CACNA2D1: variants seen among roughly 807,000 people sequenced by gnomAD.
CACNA2D1 encodes the protein voltage-dependent calcium channel subunit alpha-2/delta-1.
A neutral mutation model predicts 171.5 loss-of-function variants in CACNA2D1; 53 were observed. The observed-to-expected ratio is 0.31, with a 90% CI of 0.25 to 0.39. CACNA2D1 has a LOEUF of 0.39. Among genes scored for constraint, CACNA2D1 ranks in the 10% least tolerant of loss-of-function variants. CACNA2D1 has a pLI of 1.00. For missense variants in CACNA2D1, 903 were observed against 1,299.8 expected (o/e 0.69, Z 4.69); for synonymous variants, 442 against 443.1 (o/e 1.00, Z 0.03).
intron 1 of CACNA2D1, among the ~76,000 whole-genome samples, chr7:82,442,252 T>C (rs937035631): frequency 4.6e-5 from 7 of 152,166 alleles, no homozygotes; most frequent in Non-Finnish European, 8.8e-5. Context: ...AAAACTCCTG[T>C]ATTCAGCACT....
chr7:82,159,642 AG>A (rs1794732271), intron 4 of CACNA2D1, among the ~76,000 whole-genome samples: 1 of 151,596 alleles, frequency 6.6e-6, no homozygotes, highest in South Asian at 2.1e-4. Context: ...AGAAAATAAA[AG>A]ATAAAGGGGT....
At chr7:82,146,934 G>A (rs1012445986) in intron 4 of CACNA2D1, among the ~76,000 whole-genome samples, 5 of 127,592 alleles carry the variant, frequency 3.9e-5, no homozygotes, top group African/African-American at 1.2e-4. Flanking sequence ...GCAGTGAGCC[G>A]AGTCAGCACC....
Position 82,215,139 on chromosome 7 carries a change from T to A in CACNA2D1, c.295-44530A>T, listed in dbSNP as rs1186047952. Among the ~76,000 whole-genome samples the A allele has an allele frequency of 2.6e-5, 4 of 152,152 alleles. No individual in the cohort carries two copies. The East Asian group carries it at 7.7e-4, about 29-fold the overall frequency. On this transcript the variant is annotated intron_variant, in intron 3 of 38. Coordinates refer to ENST00000356860, the MANE Select transcript of CACNA2D1 (RefSeq NM_000722.4). ...ACTTCAGGCCTCTCCAAAAAAATGA[T>A]GAAAGAAATGAAACTCACCAGATAC...
intron 1 of CACNA2D1, among the ~76,000 whole-genome samples, chr7:82,427,584 C>T (rs1364445162): frequency 6.6e-6 from 1 of 152,170 alleles, no homozygotes; most frequent in Admixed American, 6.5e-5. Context: ...GTGCTTTCTA[C>T]ATGCAGTGTT....
chr7:82,303,148 C>A (rs1207602974), intron 3 of CACNA2D1, among the ~76,000 whole-genome samples: 1 of 152,116 alleles, frequency 6.6e-6, no homozygotes, highest in African/African-American at 2.4e-5. Context: ...CGCCCGCCAC[C>A]ATGCCCAGCT....
intron 3 of CACNA2D1, 77 bp downstream of exon 3, chr7:82,335,058 C>T: frequency 1.1e-6 from 1 of 936,462 alleles, no homozygotes; most frequent in Non-Finnish European, 1.8e-6. Context: ...ATACCAAAAC[C>T]CCTCAATAGA....
At chr7:82,298,325 CAGAGTGGCATTAT>C (rs1812556642) in intron 3 of CACNA2D1, among the ~76,000 whole-genome samples, 1 of 152,250 alleles carries the variant, frequency 6.6e-6, no homozygotes, top group East Asian at 1.9e-4. Flanking sequence ...GATAACATTA[CAGAGTGGCATTAT>C]GAAGTCATCT....
intron 1 of CACNA2D1, among the ~76,000 whole-genome samples, chr7:82,432,450 C>A (rs1829767128): frequency 6.6e-6 from 1 of 152,214 alleles, no homozygotes. Flanking sequence ...TTCAAGAGAC[C>A]TGGGATGCCT....
chr7:82,356,914 C>G (rs1820492177), intron 1 of CACNA2D1, among the ~76,000 whole-genome samples: 1 of 152,026 alleles, frequency 6.6e-6, no homozygotes, highest in Non-Finnish European at 1.5e-5. Flanking sequence ...CCTTCTCTGT[C>G]CCTTCAATAA....
chr7:82,431,612 G>C (rs1344522476), intron 1 of CACNA2D1, among the ~76,000 whole-genome samples: 1 of 152,160 alleles, frequency 6.6e-6, no homozygotes, highest in Admixed American at 6.6e-5. Context: ...CTAGAATTGA[G>C]CTGCTTGAGA....
At chr7:81,966,384 A>C (rs930731121) in intron 31 of CACNA2D1, among the ~76,000 whole-genome samples, 3 of 151,588 alleles carry the variant, frequency 2.0e-5, no homozygotes, top group Non-Finnish European at 4.4e-5. Context: ...TTACTAAAAT[A>C]TTTGCTCTTA....
intron 4 of CACNA2D1, among the ~76,000 whole-genome samples, chr7:82,164,745 C>T (rs1245846982): frequency 1.3e-5 from 2 of 151,786 alleles, no homozygotes; most frequent in East Asian, 1.9e-4. Flanking sequence ...GATGGAAATA[C>T]GTATATGGAG....
chr7:81,967,057 T>A (rs560236760), intron 31 of CACNA2D1, 112 bp downstream of exon 31: 1 of 713,612 alleles, frequency 1.4e-6, no homozygotes, highest in South Asian at 1.8e-5. Flanking sequence ...TTCCATAGAA[T>A]TTTTTAGCCT....
intron 1 of CACNA2D1, among the ~76,000 whole-genome samples, chr7:82,364,208 G>C (rs1298179317): frequency 6.6e-6 from 1 of 152,146 alleles, no homozygotes; most frequent in Non-Finnish European, 1.5e-5. Flanking sequence ...GGGTGATAGA[G>C]ACCTGTGTCA....
chr7:82,193,552 A>G (rs568853703), intron 3 of CACNA2D1, among the ~76,000 whole-genome samples: 52 of 152,124 alleles, frequency 3.4e-4, no homozygotes, highest in African/African-American at 1.2e-3. Flanking sequence ...TAAATGAAAC[A>G]TTTATTACAC....
At chr7:82,386,143 T>A (rs1238768657) in intron 1 of CACNA2D1, among the ~76,000 whole-genome samples, 1 of 152,182 alleles carries the variant, frequency 6.6e-6, no homozygotes, top group African/African-American at 2.4e-5. Flanking sequence ...CCAGCTACCA[T>A]TAAGTAAGCA....
rs1344418209 is a variant in CACNA2D1, at chr7:81,961,917, T to C, written c.2943A>G (p.Val981=). Residue 981 remains valine, a synonymous_variant, in exon 36 of 39, where the codon GTA becomes GTG. Transcript: ENST00000356860. ...FDNDSKSFSG[V]LDCGNCSRIF... The stretch of plus-strand genomic sequence containing the variant: ...ACCTGGAACAGTTTCCACAGTCTAA[T>C]ACACCACTGAATGATTTACTGTCGT... 12 of 1,610,046 alleles carry C rather than the reference T, an allele frequency of 7.5e-6. No homozygotes were observed. The highest frequency in any genetic ancestry group is 1.0e-5 in the Non-Finnish European group (12 of 1,176,816).
At chr7:82,114,509 C>A (rs890603205) in intron 6 of CACNA2D1, among the ~76,000 whole-genome samples, 3 of 152,066 alleles carry the variant, frequency 2.0e-5, no homozygotes, top group Non-Finnish European at 2.9e-5. Flanking sequence ...CTTTAGGAGG[C>A]CAAGGCGGGT....
At chr7:82,116,830 T>C (rs1789103323) in intron 6 of CACNA2D1, among the ~76,000 whole-genome samples, 1 of 152,224 alleles carries the variant, frequency 6.6e-6, no homozygotes, top group Admixed American at 6.5e-5. Flanking sequence ...GGATGCAGGC[T>C]GTCCTACAAA....
Sources: allele counts gnomAD v4.1 joint callset (sites outside exome capture counted in the v4.1 genomes callset), GRCh38; gene constraint gnomAD v4.1.1; transcripts MANE v1.5; gene names NCBI Gene and HGNC (gene_info 2026-07-23, HGNC 2026-07-21).